Variants in DPY19L4 observed in about 807,000 individuals in gnomAD.
DPY19L4 encodes probable C-mannosyltransferase DPY19L4.
Under a neutral mutation model 102.8 loss-of-function variants are expected in DPY19L4, and 97 were observed. The ratio of observed to expected loss-of-function variants is 0.94; its 90% CI spans 0.80 to 1.12. The LOEUF (loss-of-function observed/expected upper bound fraction) is 1.12, where lower values mean the gene tolerates loss of function less well. Ranked by LOEUF, DPY19L4 falls within the 50% of genes most tolerant of loss-of-function variation. DPY19L4 has a pLI of 0.00. For missense variants in DPY19L4, 815 were observed against 850.4 expected (o/e 0.96, Z 0.52); for synonymous variants, 252 against 283.1 (o/e 0.89, Z 1.10).
At position 94,720,014 on chromosome 8, in the gene DPY19L4, G is replaced by C; in HGVS notation, c.16G>C (p.Gly6Arg). 6.5e-7 allele frequency: 1 copy of C among 1,531,990 alleles called. No individual in the cohort carries two copies. The highest frequency in any genetic ancestry group is 8.8e-7 in the Non-Finnish European group (1 of 1,140,858). The allele number at this position is 1,531,990 out of a possible 1,614,324, so 94.9% of individuals were successfully genotyped here. Reference protein sequence around the residue: MAEEEGPPVELRQRKK... With the variant: MAEEERPPVELRQRKK... ...CGCAGAAACGATGGCGGAGGAAGAAGGTGATTGCCGCGGGGTCCAGCGCGC... is the reference window on the plus strand; with the variant it reads ...CGCAGAAACGATGGCGGAGGAAGAACGTGATTGCCGCGGGGTCCAGCGCGC... The change falls in exon 1 of 19, where the codon GGA becomes CGA. Residue 6 changes from glycine (G) to arginine (R), a missense_variant and splice_region_variant. Gly to Arg is a moderately radical substitution (Grantham distance 125). Coordinates refer to ENST00000414645, the MANE Select transcript of DPY19L4 (RefSeq NM_181787.3).
chr8:94,766,760 G>A (rs960650995), intron 11 of DPY19L4, 75 bp downstream of exon 11: 20 of 1,329,560 alleles, frequency 1.5e-5, no homozygotes, highest in South Asian at 6.5e-5. Context: ...CTCGATGGCC[G>A]GGCATAGTGG....
chr8:94,738,674 C>T (rs544816857), intron 4 of DPY19L4, among the ~76,000 whole-genome samples: 20 of 151,814 alleles, frequency 1.3e-4, no homozygotes, highest in Admixed American at 5.2e-4. Context: ...CCACCATGCC[C>T]GGCTAATTTT....
chr8:94,779,054 C>G (rs952702467), intron 14 of DPY19L4, among the ~76,000 whole-genome samples: 2 of 152,096 alleles, frequency 1.3e-5, no homozygotes, highest in East Asian at 3.9e-4. Context: ...CTCACTCTTA[C>G]ATTTCTGTGA....
chr8:94,720,372 C>G (rs1810405796), intron 1 of DPY19L4: 1 of 626,212 alleles, frequency 1.6e-6, no homozygotes, highest in African/African-American at 2.0e-5. Context: ...TTTAGGTACT[C>G]AGTGCATATT....
In DPY19L4 at chr8:94,722,189, C is replaced by T. The variant is rs184051182; in HGVS notation, c.16+2175C>T. Among the ~76,000 whole-genome samples, 103 of 151,004 alleles carry T rather than the reference C, an allele frequency of 6.8e-4. No individual in the cohort carries two copies. The East Asian group carries it at 0.019, about 28-fold the overall frequency. On this transcript the variant is annotated intron_variant, in intron 1 of 18. Transcript: ENST00000414645. ...TTGGGAGGCCAAGGTGGGCGGATCA[C>T]GAGGTCAGGAGTTCGAGACCAGCCT...
At chr8:94,763,252 ATCT>A (rs1351602895) in intron 8 of DPY19L4, among the ~76,000 whole-genome samples, 153 of 101,028 alleles carry the variant, frequency 1.5e-3, no homozygotes, top group African/African-American at 6.2e-3. Context: ...TGGCCAAGGT[ATCT>A]TTTTTTTTTT....
chr8:94,726,105 A>T (rs1392176385), intron 1 of DPY19L4, among the ~76,000 whole-genome samples: 1 of 152,210 alleles, frequency 6.6e-6, no homozygotes, highest in Admixed American at 6.5e-5. Flanking sequence ...ACATTGGTTT[A>T]CTATTAGGAT....
rs1279057442 is a variant in DPY19L4 at position 94,790,485 on chromosome 8, C to A, written c.*575C>A. 1 of 151,916 alleles carries A rather than the reference C, an allele frequency of 6.6e-6. No homozygotes were observed. Among genetic ancestry groups the A allele is most frequent in the Non-Finnish European group, 1.5e-5 (1 of 67,932 alleles). The allele number at this position is 151,916 out of a possible 1,614,324, so 9.4% of individuals were successfully genotyped here. ...TACATAAAGATATATTTAGAATTTT[C>A]ATGATACTGTTCTCCTCATCTACTG... On this transcript the variant is annotated 3_prime_UTR_variant, in exon 19 of 19. Coordinates refer to ENST00000414645, the MANE Select transcript of DPY19L4 (RefSeq NM_181787.3).
chr8:94,749,223 C>G (rs2130845502), intron 6 of DPY19L4, among the ~76,000 whole-genome samples: 1 of 152,240 alleles, frequency 6.6e-6, no homozygotes, highest in South Asian at 2.1e-4. Flanking sequence ...TGGGTGGGAA[C>G]ACAGCCAAAC....
intron 1 of DPY19L4, among the ~76,000 whole-genome samples, chr8:94,722,513 A>G (rs1810509534): frequency 6.6e-6 from 1 of 152,242 alleles, no homozygotes; most frequent in South Asian, 2.1e-4. Context: ...GTTGTAATTT[A>G]TTAAAATATT....
At chr8:94,786,045 T>C (rs554216536) in intron 17 of DPY19L4, among the ~76,000 whole-genome samples, 3 of 152,240 alleles carry the variant, frequency 2.0e-5, no homozygotes, top group South Asian at 2.1e-4. Flanking sequence ...ATGTAGCACA[T>C]AGCAGGTATT....
intron 6 of DPY19L4, among the ~76,000 whole-genome samples, chr8:94,752,343 G>A (rs1811968794): frequency 6.6e-6 from 1 of 151,990 alleles, no homozygotes; most frequent in South Asian, 2.1e-4. Flanking sequence ...CCAGCACTTT[G>A]GGAGGCTTAG....
chr8:94,764,926 AC>A (rs1174197956), intron 8 of DPY19L4, among the ~76,000 whole-genome samples: 3 of 150,310 alleles, frequency 2.0e-5, no homozygotes, highest in African/African-American at 7.3e-5. Context: ...GATGGGTTTC[AC>A]CATGTTGGCC....
Position 94,761,688 on chromosome 8 carries a change from T to C in DPY19L4, c.736-12T>C, listed in dbSNP as rs767438570. Reference sequence around the variant, plus strand: ...TTATTGATATTTAGTTTCTTTCATTTGTTTTCCCTAGAGGTTTTGCTACTT... The same window carrying C: ...TTATTGATATTTAGTTTCTTTCATTCGTTTTCCCTAGAGGTTTTGCTACTT... On this transcript the variant is annotated splice_polypyrimidine_tract_variant and intron_variant, in intron 7 of 18. Coordinates refer to ENST00000414645, the MANE Select transcript of DPY19L4 (RefSeq NM_181787.3). 1.9e-6 allele frequency: 3 copies of C among 1,570,842 alleles called. No homozygotes were observed. Among genetic ancestry groups the C allele is most frequent in the Admixed American group, 3.9e-5 (2 of 51,756 alleles).
chr8:94,755,627 G>T (rs1199243081), intron 6 of DPY19L4, among the ~76,000 whole-genome samples: 1 of 151,994 alleles, frequency 6.6e-6, no homozygotes, highest in African/African-American at 2.4e-5. Flanking sequence ...GGGTGCGGTG[G>T]CTCATGCCTG....
rs773500546 is a variant in DPY19L4, at chr8:94,734,660, T to C, written c.158T>C (p.Phe53Ser). 6.2e-7 allele frequency: 1 copy of C among 1,614,056 alleles called. No homozygotes were observed. The highest frequency in any genetic ancestry group is 1.7e-5 in the Admixed American group (1 of 60,006). The change falls in exon 3 of 19, where the codon TTC becomes TCC. Residue 53 changes from phenylalanine to serine, a missense_variant. Physicochemically the swap from Phe to Ser is radical, Grantham distance 155. Transcript: ENST00000414645. The part of the protein sequence containing the change: ...HVLFQRFAKI[F>S]IGCLAAVTSG... ...TTATTTCAACGCTTTGCAAAGATTT[T>C]CATTGGCTGTCTTGCAGCGGTTACT...
intron 8 of DPY19L4, 140 bp from the exon 9 acceptor site, chr8:94,765,043 G>T: frequency 1.5e-6 from 1 of 688,002 alleles, no homozygotes; most frequent in Non-Finnish European, 2.2e-6. Flanking sequence ...TAAAAATATT[G>T]ATTAAACATT....
intron 11 of DPY19L4, among the ~76,000 whole-genome samples, chr8:94,767,625 G>T (rs904752066): frequency 3.9e-5 from 6 of 152,068 alleles, no homozygotes; most frequent in Admixed American, 3.3e-4. Flanking sequence ...ACTTAGAGTT[G>T]AAAAATGTTT....
intron 17 of DPY19L4, 97 bp from the exon 18 acceptor site, chr8:94,787,797 G>T (rs146827734): frequency 0.014 from 7,073 of 490,914 alleles, 73 homozygotes; most frequent in Non-Finnish European, 0.018. Flanking sequence ...CACAGTAGAT[G>T]CTTGATGTAT....
Sources: gnomAD v4.1 joint callset for allele counts (sites outside exome capture counted in the v4.1 genomes callset) on GRCh38, gnomAD v4.1.1 for gene constraint, MANE v1.5 for transcripts, NCBI Gene and HGNC (gene_info 2026-07-23, HGNC 2026-07-21) for gene names.